Variants in ABHD12 observed in about 807,000 individuals in gnomAD.
ABHD12 encodes lysophosphatidylserine lipase ABHD12.
A neutral mutation model predicts 58.3 loss-of-function variants in ABHD12; 43 were observed. The ratio of observed to expected loss-of-function variants is 0.74; its 90% CI spans 0.58 to 0.95. The LOEUF is 0.95. ABHD12 is among the 40% of genes least tolerant of loss of function. The pLI is 0.00. For missense variants in ABHD12, 539 were observed against 537.2 expected (o/e 1.00, Z -0.03); for synonymous variants, 219 against 211.2 (o/e 1.04, Z -0.32).
chr20:25,356,636 G>A (rs1336711544), intron 1 of ABHD12, among the ~76,000 whole-genome samples: 1 of 152,198 alleles, frequency 6.6e-6, no homozygotes, highest in Admixed American at 6.5e-5. Flanking sequence ...GAGGAAGAGA[G>A]GGCTGGGCCC....
chr20:25,335,085 C>T (rs1170696989), intron 2 of ABHD12, among the ~76,000 whole-genome samples: 1 of 150,370 alleles, frequency 6.7e-6, no homozygotes, highest in Non-Finnish European at 1.5e-5. Flanking sequence ...CCAGAATCTA[C>T]AATGAACTCA....
chr20:25,357,049 C>G (rs186749794), intron 1 of ABHD12, among the ~76,000 whole-genome samples: 10 of 152,094 alleles, frequency 6.6e-5, no homozygotes, highest in Admixed American at 4.6e-4. Flanking sequence ...CTAGAAGGCC[C>G]GATATTTCCT....
chr20:25,373,680 GTTT>G (rs202171106), intron 1 of ABHD12, among the ~76,000 whole-genome samples: 1 of 149,690 alleles, frequency 6.7e-6, no homozygotes, highest in African/African-American at 2.4e-5. Context: ...TGGTTTGAAG[GTTT>G]TTTTTTTCTT....
At chr20:25,338,934 T>G in intron 2 of ABHD12, 1 of 1,212,970 alleles carries the variant, frequency 8.2e-7, no homozygotes, top group Non-Finnish European at 1.0e-6. Context: ...TAGTCTTCTG[T>G]GGACAGAAAT....
At chr20:25,297,821 T>C (rs1453075362), downstream of ABHD12, 3 of 128,612 alleles carry the variant, frequency 2.3e-5, no homozygotes, top group African/African-American at 7.8e-5. Context: ...ACTACAGCCT[T>C]TTATTGAGTG....
chr20:25,390,786 G>C lies in ABHD12; in HGVS notation c.-83C>G. The C allele has an allele frequency of 1.1e-6, 1 of 943,376 alleles. No individual in the cohort carries two copies. 58.4% of individuals were successfully genotyped at this position (943,376 alleles called of 1,614,324 possible). A position where few individuals can be genotyped will look rare whatever the true frequency, so the allele number is the denominator to read the frequency against. ...CCGCTCACAGCCGCCGCCACCCAGAGCCCGGAGCCCGGAACCCGCCGCTCC... is the reference window on the plus strand; with the variant it reads ...CCGCTCACAGCCGCCGCCACCCAGACCCCGGAGCCCGGAACCCGCCGCTCC... On this transcript the variant is annotated 5_prime_UTR_variant, in exon 1 of 13. Coordinates refer to ENST00000339157, the MANE Select transcript of ABHD12 (RefSeq NM_001042472.3).
chr20:25,340,271 T>A (rs1218259442), intron 1 of ABHD12, among the ~76,000 whole-genome samples: 1 of 152,264 alleles, frequency 6.6e-6, no homozygotes, highest in East Asian at 1.9e-4. Context: ...ATATTTGTTA[T>A]GAAAAATAAT....
rs1052274152 is a variant in ABHD12 at position 25,300,506 on chromosome 20, C to T, written c.*339G>A. The T allele has an allele frequency of 3.8e-6, 5 of 1,304,764 alleles. No individual in the cohort carries two copies. Among genetic ancestry groups the T allele is most frequent in the Non-Finnish European group, 3.9e-6 (4 of 1,018,686 alleles). The allele number at this position is 1,304,764 out of a possible 1,614,324, so 80.8% of individuals were successfully genotyped here. A position where few individuals can be genotyped will look rare whatever the true frequency, so the allele number is the denominator to read the frequency against. On this transcript the variant is annotated 3_prime_UTR_variant, in exon 13 of 13. Coordinates refer to ENST00000339157, the MANE Select transcript of ABHD12 (RefSeq NM_001042472.3). ...CAGCATGGTCCCGAGCCCCAAGAGT[C>T]CCCTGCCCGGACTCCCCCTGTCCAG...
At chr20:25,359,892 T>A (rs1056620121) in intron 1 of ABHD12, among the ~76,000 whole-genome samples, 1 of 152,194 alleles carries the variant, frequency 6.6e-6, no homozygotes, top group African/African-American at 2.4e-5. Flanking sequence ...ATATTAAGGA[T>A]GCTAAATCTT....
rs574131724 is a variant in ABHD12 at position 25,351,874 on chromosome 20, C to T, written c.192-12523G>A. The stretch of plus-strand genomic sequence containing the variant: ...TGAGATTGCACCGTTGCATCCCAGC[C>T]TGGGCAACAAGAGAGAAACTGTGTC... On this transcript the variant is annotated intron_variant, in intron 1 of 12. Transcript: ENST00000339157. 3.9e-5 allele frequency among the ~76,000 whole-genome samples: 6 copies of T among 152,180 alleles called. No individual in the cohort carries two copies. In the East Asian group the frequency reaches 1.2e-3, roughly 29 times the overall value.
intron 1 of ABHD12, among the ~76,000 whole-genome samples, chr20:25,375,645 C>A (rs2089953032): frequency 6.6e-6 from 1 of 152,224 alleles, no homozygotes; most frequent in Non-Finnish European, 1.5e-5. Context: ...AGCTAGGGTA[C>A]TGTAGGGCTC....
At chr20:25,356,891 G>A (rs766368859) in intron 1 of ABHD12, among the ~76,000 whole-genome samples, 1 of 151,990 alleles carries the variant, frequency 6.6e-6, no homozygotes, top group Non-Finnish European at 1.5e-5. Context: ...ATCCCAGCAC[G>A]TTGGGAGGCC....
At chr20:25,325,207 A>C (rs1276141395) in intron 2 of ABHD12, among the ~76,000 whole-genome samples, 3 of 36,970 alleles carry the variant, frequency 8.1e-5, no homozygotes, top group Non-Finnish European at 1.9e-4. Flanking sequence ...CTGTTTCAAA[A>C]AAAAAAAAAA....
rs763018959 is a variant in ABHD12, at chr20:25,306,932, A to G, written c.868-17T>C. ...TCGATATATCTGGAGACAAGATGGA[A>G]ACCATTTTCAGAAGCGTTGGTTAAG... On this transcript the variant is annotated splice_polypyrimidine_tract_variant and intron_variant, in intron 9 of 12. Coordinates refer to ENST00000339157, the MANE Select transcript of ABHD12 (RefSeq NM_001042472.3). The G allele has an allele frequency of 1.9e-6, 3 of 1,575,958 alleles. No individual in the cohort carries two copies. Among genetic ancestry groups the G allele is most frequent in the Non-Finnish European group, 2.6e-6 (3 of 1,147,084 alleles).
intron 3 of ABHD12, 52 bp downstream of exon 3, chr20:25,323,273 T>C (rs376122045): frequency 4.5e-6 from 5 of 1,122,612 alleles, no homozygotes; most frequent in Non-Finnish European, 6.8e-6. Flanking sequence ...AGCTCAGTCA[T>C]GTAGGGTCCT....
At chr20:25,386,311 T>G (rs1393380803) in intron 1 of ABHD12, among the ~76,000 whole-genome samples, 7 of 148,740 alleles carry the variant, frequency 4.7e-5, no homozygotes, top group Non-Finnish European at 1.0e-4. Context: ...CAGGCTGGAG[T>G]GCAGTGGTGC....
At chr20:25,331,843 G>A (rs1417134151) in intron 2 of ABHD12, among the ~76,000 whole-genome samples, 1 of 152,162 alleles carries the variant, frequency 6.6e-6, no homozygotes, top group Non-Finnish European at 1.5e-5. Context: ...ACCAGCCACT[G>A]CAAAATCATG....
intron 9 of ABHD12, among the ~76,000 whole-genome samples, 155 bp downstream of exon 9, chr20:25,307,811 T>A (rs2088772788): frequency 6.6e-6 from 1 of 152,254 alleles, no homozygotes; most frequent in African/African-American, 2.4e-5. Context: ...GGCAGCTCTG[T>A]GGCCAAAACT....
chr20:25,317,163 G>A, intron 4 of ABHD12, 85 bp from the exon 5 acceptor site: 1 of 895,652 alleles, frequency 1.1e-6, no homozygotes. Flanking sequence ...CCCAAACCAG[G>A]GGGAGGCCAA....
Sources: gnomAD v4.1 joint callset for allele counts (sites outside exome capture counted in the v4.1 genomes callset) on GRCh38, gnomAD v4.1.1 for gene constraint, MANE v1.5 for transcripts, NCBI Gene and HGNC (gene_info 2026-07-23, HGNC 2026-07-21) for gene names.